The following TEKT5 variants were observed in gnomAD, a reference collection of about 807,000 sequenced individuals.
TEKT5 encodes tektin 5.
In TEKT5, 52 loss-of-function variants were observed where a neutral mutation model predicts 48.7. The observed-to-expected ratio is 1.07, with a 90% CI of 0.86 to 1.35. The LOEUF is 1.35. TEKT5 is among the 40% of genes most tolerant of loss of function. The pLI is 0.00. For synonymous variants in TEKT5, 318 were observed against 267.6 expected (o/e 1.19, Z -1.84); for missense variants, 831 against 641.6 (o/e 1.30, Z -3.19).
At chr16:10,694,058 A>G (rs1899028750) in intron 1 of TEKT5, among the ~76,000 whole-genome samples, 1 of 152,228 alleles carries the variant, frequency 6.6e-6, no homozygotes, top group Non-Finnish European at 1.5e-5. Context: ...TATGCACACA[A>G]TATTTTCATG....
intron 1 of TEKT5, among the ~76,000 whole-genome samples, chr16:10,694,074 C>T (rs1035085118): frequency 6.6e-6 from 1 of 152,174 alleles, no homozygotes; most frequent in African/African-American, 2.4e-5. Flanking sequence ...TCATGAAACC[C>T]CTGCAACTTT....
intron 1 of TEKT5, among the ~76,000 whole-genome samples, chr16:10,691,929 C>A (rs1440011434): frequency 7.7e-6 from 1 of 129,564 alleles, no homozygotes; most frequent in African/African-American, 2.9e-5. Flanking sequence ...GCCTGGGCAA[C>A]AGAGCGAGAG....
intron 5 of TEKT5, among the ~76,000 whole-genome samples, chr16:10,651,407 T>C (rs2719724): frequency 0.45 from 68,982 of 152,056 alleles, 17,771 homozygotes; most frequent in African/African-American, 0.71. Context: ...TTCCCCTAAC[T>C]CAAAAGCAAG....
intron 1 of TEKT5, 103 bp downstream of exon 1, chr16:10,694,207 C>T (rs897418354): frequency 1.3e-5 from 16 of 1,212,634 alleles, no homozygotes; most frequent in Non-Finnish European, 1.6e-5. Context: ...CTCAAACCGA[C>T]CTGCAAGGTG....
chr16:10,675,858 C>T (rs978833389), intron 5 of TEKT5, 101 bp downstream of exon 5: 1 of 1,211,246 alleles, frequency 8.3e-7, no homozygotes, highest in Non-Finnish European at 1.2e-6. Flanking sequence ...ACTGCTTTGG[C>T]ACCAGGGGCA....
At chr16:10,652,765 AAC>A (rs59542661) in intron 5 of TEKT5, among the ~76,000 whole-genome samples, 17,746 of 33,850 alleles carry the variant, frequency 0.52, 5,663 homozygotes, top group Non-Finnish European at 0.62. Flanking sequence ...TACACAGGCA[AAC>A]ACACACACAC....
intron 5 of TEKT5, among the ~76,000 whole-genome samples, chr16:10,668,513 C>T (rs938515415): frequency 6.6e-6 from 1 of 152,174 alleles, no homozygotes; most frequent in African/African-American, 2.4e-5. Flanking sequence ...AAAAGCATTT[C>T]CCACTGCACA....
intron 6 of TEKT5, among the ~76,000 whole-genome samples, chr16:10,629,197 G>A (rs140881306): frequency 3.9e-5 from 6 of 152,214 alleles, no homozygotes; most frequent in South Asian, 4.1e-4. Context: ...GCACAACATC[G>A]TGAATGTACC....
intron 5 of TEKT5, among the ~76,000 whole-genome samples, chr16:10,648,731 G>A (rs1469157809): frequency 6.6e-6 from 1 of 152,172 alleles, no homozygotes; most frequent in African/African-American, 2.4e-5. Context: ...GCCCCACGTG[G>A]TGCCAGCCTA....
At chr16:10,679,260 C>T (rs1030744749) in intron 4 of TEKT5, among the ~76,000 whole-genome samples, 16 of 152,084 alleles carry the variant, frequency 1.1e-4, no homozygotes, top group African/African-American at 3.9e-4. Context: ...AAAGGTGTCT[C>T]TCCCTGCCCA....
intron 1 of TEKT5, chr16:10,692,682 C>G (rs946221119): frequency 6.6e-6 from 1 of 152,234 alleles, no homozygotes; most frequent in African/African-American, 2.4e-5. Context: ...CTAGAAAAGA[C>G]ATTCCCTGAT....
intron 5 of TEKT5, among the ~76,000 whole-genome samples, chr16:10,646,183 TC>T (rs1898067454): frequency 6.6e-6 from 1 of 152,064 alleles, no homozygotes; most frequent in Non-Finnish European, 1.5e-5. Flanking sequence ...TAAATGGACA[TC>T]CTGTATTTGT....
intron 5 of TEKT5, among the ~76,000 whole-genome samples, chr16:10,668,489 C>T (rs1469463552): frequency 3.3e-5 from 5 of 152,150 alleles, no homozygotes; most frequent in Non-Finnish European, 7.3e-5. Context: ...TGGAAGGAAT[C>T]GGCTGCAAAG....
chr16:10,680,095 CTGTT>C (rs527923720), intron 4 of TEKT5, among the ~76,000 whole-genome samples: 10 of 152,304 alleles, frequency 6.6e-5, no homozygotes, highest in African/African-American at 1.9e-4. Flanking sequence ...GGAGAGGAAT[CTGTT>C]TGGGAAGAGA....
rs77043219 is a variant in TEKT5, at chr16:10,675,643, G to A, written c.1086+316C>T. Among the ~76,000 whole-genome samples the A allele has an allele frequency of 0.015, 2,302 of 152,264 alleles. 136 individuals carry two copies. The East Asian group carries it at 0.17, about 11-fold the overall frequency. The stretch of plus-strand genomic sequence containing the variant: ...CAGAGACTATGGTGTGCCGGGCTCC[G>A]TTCTCTGCACTCGCGCTCGGCCACA... On this transcript the variant is annotated intron_variant, in intron 5 of 6. Coordinates refer to ENST00000283025, the MANE Select transcript of TEKT5 (RefSeq NM_144674.2).
rs1157910268 is a variant in TEKT5 at position 10,627,598 on chromosome 16, C to T, written c.1443G>A (p.Leu481=). 2 of 1,614,032 alleles carry T rather than the reference C, an allele frequency of 1.2e-6. No individual in the cohort carries two copies. The highest frequency in any genetic ancestry group is 2.2e-5 in the East Asian group (1 of 44,902). Reference sequence around the variant, plus strand: ...AGGGCGGTGCTCAGGTGTGGCCCACCAGGCGCGGGGTGCAGGGGAAGGTCT... The same window carrying T: ...AGGGCGGTGCTCAGGTGTGGCCCACTAGGCGCGGGGTGCAGGGGAAGGTCT... ...MRKTFPCTPR[L]VGHT The change falls in exon 7 of 7, where the codon CTG becomes CTA. Residue 481 remains leucine, a synonymous_variant. Coordinates refer to ENST00000283025, the MANE Select transcript of TEKT5 (RefSeq NM_144674.2).
chr16:10,641,779 G>A (rs1289283966), intron 5 of TEKT5, among the ~76,000 whole-genome samples: 1 of 152,120 alleles, frequency 6.6e-6, no homozygotes, highest in Non-Finnish European at 1.5e-5. Flanking sequence ...CTGAGATCAC[G>A]CCACTGCACC....
chr16:10,655,909 AACTT>A (rs1290741462), intron 5 of TEKT5, among the ~76,000 whole-genome samples: 1 of 152,336 alleles, frequency 6.6e-6, no homozygotes, highest in East Asian at 1.9e-4. Flanking sequence ...GTAGACTTCT[AACTT>A]ACTTAAACTG....
rs116734839 is a variant in TEKT5, at chr16:10,653,319, G to A, written c.1087-17401C>T. On this transcript the variant is annotated intron_variant, in intron 5 of 6. Transcript: ENST00000283025. ...GACGGCTCACCTCACTCCCTTTCCC[G>A]CCCAAACTCTGTGCTTTGCATACAG... Among the ~76,000 whole-genome samples, 1,124 of 152,256 alleles carry A rather than the reference G, an allele frequency of 7.4e-3. 23 individuals are homozygous for A. The highest frequency in any genetic ancestry group is 0.022 in the African/African-American group (933 of 41,548).
Sources: allele counts gnomAD v4.1 joint callset (sites outside exome capture counted in the v4.1 genomes callset), GRCh38; gene constraint gnomAD v4.1.1; transcripts MANE v1.5; gene names NCBI Gene and HGNC (gene_info 2026-07-23, HGNC 2026-07-21).